IPO13: variants seen among roughly 807,000 people sequenced by gnomAD.
The protein encoded by IPO13 is importin 13.
A neutral mutation model predicts 115.5 loss-of-function variants in IPO13; 28 were observed. The ratio of observed to expected loss-of-function variants is 0.24; its 90% CI spans 0.18 to 0.33. The LOEUF (loss-of-function observed/expected upper bound fraction) is 0.33. Among genes scored for constraint, IPO13 ranks in the 10% least tolerant of loss-of-function variants. IPO13 has a pLI of 1.00. For missense variants in IPO13, 785 were observed against 1,204.6 expected (o/e 0.65, Z 5.16); for synonymous variants, 414 against 478.9 (o/e 0.86, Z 1.77).
At chr1:43,959,242 G>T (rs749029781) in intron 11 of IPO13, among the ~76,000 whole-genome samples, 2 of 152,152 alleles carry the variant, frequency 1.3e-5, no homozygotes, top group Non-Finnish European at 2.9e-5. Context: ...GCTCTGTAGG[G>T]CCTTCTACTT....
chr1:43,959,059 T>C (rs2085272210), intron 11 of IPO13, among the ~76,000 whole-genome samples, 170 bp downstream of exon 11: 1 of 152,242 alleles, frequency 6.6e-6, no homozygotes, highest in African/African-American at 2.4e-5. Context: ...GACCTATAAT[T>C]GCCTCACTCT....
chr1:43,956,522 G>A lies in IPO13; in HGVS notation c.963-38G>A. On this transcript the variant is annotated intron_variant, in intron 3 of 19. Transcript: ENST00000372343. The surrounding 1 kb of genome is among the most constrained non-coding windows in gnomAD (Gnocchi z 4.7). ...CCCTCTAAGAAATGGGGTTCTGGAA[G>A]TCCCTGGAAAGGTAGAATGACCTGA... 1 of 1,614,048 alleles carries A rather than the reference G, an allele frequency of 6.2e-7. No individual in the cohort carries two copies.
rs2085331373 is a variant in IPO13, at chr1:43,967,139, A to G, written c.2613+120A>G. ...GCTCTCAGATTCTGTTTCTTCTTCA[A>G]TTAAATGCCTGAAAGTTGTTAGGAT... On this transcript the variant is annotated intron_variant, in intron 18 of 19. Coordinates refer to ENST00000372343, the MANE Select transcript of IPO13 (RefSeq NM_014652.4). The surrounding 1 kb of genome is among the most constrained non-coding windows in gnomAD (Gnocchi z 6.1). 55 of 1,142,912 alleles carry G rather than the reference A, an allele frequency of 4.8e-5. 1 individual carries two copies. In the South Asian group the frequency reaches 6.9e-4, roughly 14 times the overall value. The allele number at this position is 1,142,912 out of a possible 1,614,324, so 70.8% of individuals were successfully genotyped here.
In IPO13 at chr1:43,957,539, G is replaced by A; in HGVS notation, c.1530G>A (p.Met510Ile). Residue 510 changes from methionine to isoleucine, a missense_variant, in exon 7 of 20, where the codon ATG becomes ATA. By Grantham distance (10) the Met-to-Ile change is conservative. Coordinates refer to ENST00000372343, the MANE Select transcript of IPO13 (RefSeq NM_014652.4). The stretch of plus-strand genomic sequence containing the variant: ...ACGTGCAGCTGGCAGACACTGTCAT[G>A]TTCACCATTGGTGAGACCTGGCACA... Reference protein sequence around the residue: ...ISNVQLADTVMFTIGALSEWL... With the variant: ...ISNVQLADTVIFTIGALSEWL... 6.2e-7 allele frequency: 1 copy of A among 1,614,168 alleles called. No individual in the cohort carries two copies. Among genetic ancestry groups the A allele is most frequent in the Non-Finnish European group, 8.5e-7 (1 of 1,180,012 alleles).
At chr1:43,964,421 A>T (rs2154302413) in intron 15 of IPO13, 100 bp downstream of exon 15, 2 of 1,004,918 alleles carry the variant, frequency 2.0e-6, no homozygotes, top group Admixed American at 2.2e-5. Context: ...CTGTTGACAA[A>T]TTTTTTTTCT....
In IPO13 at chr1:43,967,879, C is replaced by G. The variant is rs1336479264; in HGVS notation, c.*197C>G. ...TGGGAGGGAATGGTGGGAACATCCTCTAGCTCCCAGGTTGGAAGAGATACT... is the reference window on the plus strand; with the variant it reads ...TGGGAGGGAATGGTGGGAACATCCTGTAGCTCCCAGGTTGGAAGAGATACT... On this transcript the variant is annotated 3_prime_UTR_variant, in exon 20 of 20. Transcript: ENST00000372343. The surrounding 1 kb of genome is among the most constrained non-coding windows in gnomAD (Gnocchi z 6.1). 6 of 614,260 alleles carry G rather than the reference C, an allele frequency of 9.8e-6. No individual in the cohort carries two copies. Among genetic ancestry groups the G allele is most frequent in the Non-Finnish European group, 1.7e-5 (6 of 345,774 alleles). The allele number at this position is 614,260 out of a possible 1,614,324, so 38.1% of individuals were successfully genotyped here. A position where few individuals can be genotyped will look rare whatever the true frequency, so the allele number is the denominator to read the frequency against.
In IPO13 at chr1:43,960,918, G is replaced by A. The variant is rs572585747; in HGVS notation, c.2152G>A (p.Asp718Asn). 3.7e-6 allele frequency: 6 copies of A among 1,614,210 alleles called. No individual in the cohort carries two copies. The South Asian group carries it at 6.6e-5, about 18-fold the overall frequency. ...TGAGAAGTCTGTTAAGACGCTGCTG[G>A]ATGACTTTGCCCCCATGGTGCCACA... ...IFEKSVKTLL[D>N]DFAPMVPQLC... The change falls in exon 13 of 20, where the codon GAT (aspartate) becomes AAT (asparagine). Residue 718 changes from aspartate to asparagine, a missense_variant. Physicochemically the swap from Asp to Asn is conservative, Grantham distance 23. Around this residue, in one of 3 missense-constraint regions of IPO13, gnomAD observed 285 missense variants for 394.8 expected, o/e 0.72. Transcript: ENST00000372343.
At position 43,949,433 on chromosome 1, in the gene IPO13, A is replaced by T. The variant is rs763924857; in HGVS notation, c.101A>T (p.Tyr34Phe). 6.2e-7 allele frequency: 1 copy of T among 1,609,670 alleles called. No homozygotes were observed. Among genetic ancestry groups the T allele is most frequent in the Non-Finnish European group, 8.5e-7 (1 of 1,177,390 alleles). The change falls in exon 2 of 20, where the codon TAC becomes TTC. Residue 34 changes from tyrosine (Y) to phenylalanine (F), a missense_variant. This residue lies in a region of IPO13 where 325 missense variants were observed against 449.8 expected (regional missense o/e 0.72). Transcript: ENST00000372343. The part of the protein sequence containing the change: ...ENVEKALHQL[Y>F]YDPNIENKNL... ...GTCCTGCAGGCGCTGCACCAGCTCT[A>T]CTATGATCCCAACATTGAGAATAAG...
rs760443363 is a variant in IPO13, at chr1:43,967,693, C to T, written c.*11C>T. Reference sequence around the variant, plus strand: ...ACAGCTGACTACTGAGGGGTGCCCCCATCCCATCCACCCCTTCTCTTCATC... The same window carrying T: ...ACAGCTGACTACTGAGGGGTGCCCCTATCCCATCCACCCCTTCTCTTCATC... On this transcript the variant is annotated 3_prime_UTR_variant, in exon 20 of 20. Coordinates refer to ENST00000372343, the MANE Select transcript of IPO13 (RefSeq NM_014652.4). The surrounding 1 kb of genome is among the most constrained non-coding windows in gnomAD (Gnocchi z 6.1). 6.2e-7 allele frequency: 1 copy of T among 1,610,284 alleles called. No individual in the cohort carries two copies. The highest frequency in any genetic ancestry group is 1.1e-5 in the South Asian group (1 of 91,000).
chr1:43,949,620 C>G lies in IPO13; in HGVS notation c.288C>G (p.Asp96Glu), dbSNP rs551718604. 56 of 1,614,218 alleles carry G rather than the reference C, an allele frequency of 3.5e-5. 1 individual carries two copies. In the South Asian group the frequency reaches 5.9e-4, roughly 17 times the overall value. Residue 96 changes from aspartate (D) to glutamate (E), a missense_variant, in exon 2 of 20, where the codon GAC becomes GAG. Physicochemically the swap from Asp to Glu is conservative, Grantham distance 45. Coordinates refer to ENST00000372343, the MANE Select transcript of IPO13 (RefSeq NM_014652.4). ...ISRYWSDIPT[D>E]QYESLKAQLF... The stretch of plus-strand genomic sequence containing the variant: ...GCTACTGGAGTGACATCCCCACTGA[C>G]CAGTATGAAAGCCTAAAGGCACAGC...
In IPO13 at chr1:43,956,330, A is replaced by G; in HGVS notation, c.832A>G (p.Thr278Ala). The G allele has an allele frequency of 6.2e-7, 1 of 1,614,168 alleles. No individual in the cohort carries two copies. Among genetic ancestry groups the G allele is most frequent in the Non-Finnish European group, 8.5e-7 (1 of 1,180,020 alleles). Reference protein sequence around the residue: ...SQPDAQRYVNTLLKLIPLVLG... With the variant: ...SQPDAQRYVNALLKLIPLVLG... Reference sequence around the variant, plus strand: ...ACCTCATGCCTCTAGGTACGTGAACACACTCCTGAAACTCATCCCGCTGGT... The same window carrying G: ...ACCTCATGCCTCTAGGTACGTGAACGCACTCCTGAAACTCATCCCGCTGGT... Residue 278 changes from threonine (T) to alanine (A), a missense_variant, in exon 3 of 20, where the codon ACA becomes GCA. By Grantham distance (58) the Thr-to-Ala change is moderately conservative. Transcript: ENST00000372343. This position sits in a 1 kb window ranked among gnomAD's most constrained non-coding sequence, Gnocchi z 4.7.
At chr1:43,949,328 AG>A in intron 1 of IPO13, 88 bp from the exon 2 acceptor site, 1 of 1,393,868 alleles carries the variant, frequency 7.2e-7, no homozygotes, top group Non-Finnish European at 9.6e-7. Context: ...GAGAGGGAGC[AG>A]CCTTGCAGGA....
chr1:43,957,000 C>G lies in IPO13; in HGVS notation c.1271+24C>G. On this transcript the variant is annotated intron_variant, in intron 5 of 19. Coordinates refer to ENST00000372343, the MANE Select transcript of IPO13 (RefSeq NM_014652.4). The surrounding 1 kb of genome is among the most constrained non-coding windows in gnomAD (Gnocchi z 4.7). ...AGGTGATGGTAGCAGGCCAACTCCT[C>G]TAAAATGGAGTCCAGAAATAATGAA... 1 of 1,609,956 alleles carries G rather than the reference C, an allele frequency of 6.2e-7. No individual in the cohort carries two copies. Among genetic ancestry groups the G allele is most frequent in the South Asian group, 1.1e-5 (1 of 90,608 alleles).
Position 43,960,971 on chromosome 1 carries a change from C to T in IPO13, c.2205C>T (p.Tyr735=). 2 of 1,614,248 alleles carry T rather than the reference C, an allele frequency of 1.2e-6. No homozygotes were observed. The highest frequency in any genetic ancestry group is 1.7e-6 in the Non-Finnish European group (2 of 1,180,042). Residue 735 remains tyrosine, a synonymous_variant, in exon 13 of 20, where the codon TAC becomes TAT. Coordinates refer to ENST00000372343, the MANE Select transcript of IPO13 (RefSeq NM_014652.4). ...PQLCEMLGRM[Y]STIPQASALD... ...TGTGTGAGATGCTGGGTCGGATGTA[C>T]AGCACCATCCCCCAGGCCTCTGCTC...
intron 2 of IPO13, among the ~76,000 whole-genome samples, chr1:43,951,095 C>T (rs2085205970): frequency 6.6e-6 from 1 of 152,174 alleles, no homozygotes; most frequent in African/African-American, 2.4e-5. Context: ...CTTTAGGAAC[C>T]ACAGCATGTG....
chr1:43,956,759 GC>G lies in IPO13; in HGVS notation c.1105-50del. On this transcript the variant is annotated intron_variant, in intron 4 of 19. Transcript: ENST00000372343. This position sits in a 1 kb window ranked among gnomAD's most constrained non-coding sequence, Gnocchi z 4.7. Reference sequence around the variant, plus strand: ...TGTGGTGGAAGAAGGTGGATCATGGGCTTCTATGACTGCTGGTGAGGTGGCT... The same window carrying G: ...TGTGGTGGAAGAAGGTGGATCATGGGTTCTATGACTGCTGGTGAGGTGGCT... 2 of 1,613,512 alleles carry G rather than the reference GC, an allele frequency of 1.2e-6. No individual in the cohort carries two copies.
intron 12 of IPO13, 114 bp from the exon 13 acceptor site, chr1:43,960,762 C>T: frequency 7.3e-7 from 1 of 1,367,812 alleles, no homozygotes; most frequent in Non-Finnish European, 1.0e-6. Flanking sequence ...GTTTGCAGGG[C>T]CAGGCAAGGC....
chr1:43,957,178 C>T lies in IPO13; in HGVS notation c.1272-17C>T, dbSNP rs1351235422. The stretch of plus-strand genomic sequence containing the variant: ...TCAGGATCCAGGCAGTATAAAAGGC[C>T]TTCATCTGCTTCTCAGGGTGGACAT... On this transcript the variant is annotated splice_polypyrimidine_tract_variant and intron_variant, in intron 5 of 19. Coordinates refer to ENST00000372343, the MANE Select transcript of IPO13 (RefSeq NM_014652.4). The T allele has an allele frequency of 6.2e-7, 1 of 1,612,342 alleles. No homozygotes were observed. Among genetic ancestry groups the T allele is most frequent in the Non-Finnish European group, 8.5e-7 (1 of 1,178,844 alleles).
rs1379625047 is a variant in IPO13 at position 43,958,187 on chromosome 1, C to T, written c.1722+29C>T. 6.2e-7 allele frequency: 1 copy of T among 1,613,966 alleles called. No homozygotes were observed. Among genetic ancestry groups the T allele is most frequent in the East Asian group, 2.2e-5 (1 of 44,878 alleles). On this transcript the variant is annotated intron_variant, in intron 8 of 19. Transcript: ENST00000372343. This position sits in a 1 kb window ranked among gnomAD's most constrained non-coding sequence, Gnocchi z 6.3. Reference sequence around the variant, plus strand: ...TGCAGGGGCCCTGGATGGTGCTGGGCCTCAGAGCACACTCTGCACTGTGCT... The same window carrying T: ...TGCAGGGGCCCTGGATGGTGCTGGGTCTCAGAGCACACTCTGCACTGTGCT...
Sources: gnomAD v4.1 joint callset for allele counts (sites outside exome capture counted in the v4.1 genomes callset) on GRCh38, gnomAD v4.1.1 for gene constraint, gnomAD v4.1.1 regional missense constraint, Gnocchi (gnomAD v3.1) non-coding constraint, MANE v1.5 for transcripts, NCBI Gene and HGNC (gene_info 2026-07-23, HGNC 2026-07-21) for gene names.